Variants in SNTG1 observed in about 807,000 individuals in gnomAD.
SNTG1 encodes gamma-1-syntrophin.
SNTG1 carries 39 observed loss-of-function variants against 74.7 expected under a neutral mutation model. The ratio of observed to expected loss-of-function variants is 0.52; its 90% CI spans 0.40 to 0.68. The LOEUF (loss-of-function observed/expected upper bound fraction) is 0.68. Among genes scored for constraint, SNTG1 ranks in the 30% least tolerant of loss-of-function variants. The probability of loss-of-function intolerance (pLI) is 0.00; values close to 1 mark genes in which losing one functional copy is unlikely to be tolerated. For synonymous variants in SNTG1, 254 were observed against 217.1 expected (o/e 1.17, Z -1.49); for missense variants, 685 against 609.5 (o/e 1.12, Z -1.30).
chr8:50,422,752 C>T lies in SNTG1; in HGVS notation c.163-15791C>T, dbSNP rs115906752. Reference sequence around the variant, plus strand: ...AACCTGAAAAGATATCTCAAAAGACCAATCTTAGGTTTGACAATAGTGATG... The same window carrying T: ...AACCTGAAAAGATATCTCAAAAGACTAATCTTAGGTTTGACAATAGTGATG... On this transcript the variant is annotated intron_variant, in intron 4 of 18. Transcript: ENST00000642720. 6.7e-3 allele frequency among the ~76,000 whole-genome samples: 1,025 copies of T among 152,150 alleles called. 17 individuals carry two copies. Among genetic ancestry groups the T allele is most frequent in the African/African-American group, 0.024 (980 of 41,498 alleles).
chr8:50,586,787 C>A (rs913729115), intron 12 of SNTG1, among the ~76,000 whole-genome samples: 21 of 151,484 alleles, frequency 1.4e-4, no homozygotes, highest in Admixed American at 6.6e-4. Context: ...AATGTGTATT[C>A]TGGGGGTTGT....
chr8:50,369,269 G>A (rs560288562), intron 2 of SNTG1, among the ~76,000 whole-genome samples: 1 of 152,260 alleles, frequency 6.6e-6, no homozygotes, highest in South Asian at 2.1e-4. Flanking sequence ...CATAAGAATA[G>A]CATCTTCATT....
At chr8:50,549,583 C>T (rs1018695651) in intron 11 of SNTG1, among the ~76,000 whole-genome samples, 3 of 152,040 alleles carry the variant, frequency 2.0e-5, no homozygotes, top group African/African-American at 7.2e-5. Context: ...TCCACTGGCT[C>T]CCCTGACTCT....
At chr8:49,937,644 G>A (rs896861627) in intron 1 of SNTG1, among the ~76,000 whole-genome samples, 8 of 152,190 alleles carry the variant, frequency 5.3e-5, no homozygotes, top group African/African-American at 1.9e-4. Context: ...GATCTAGTCA[G>A]CTACACTCAA....
intron 8 of SNTG1, among the ~76,000 whole-genome samples, chr8:50,464,481 G>A (rs1322011965): frequency 2.6e-5 from 4 of 152,158 alleles, no homozygotes; most frequent in Admixed American, 1.3e-4. Context: ...GAGTAGGAAG[G>A]CCTGCAGAGA....
intron 12 of SNTG1, among the ~76,000 whole-genome samples, chr8:50,577,288 TGTGTTGAACCAATCTTCCATTCCA>T (rs1412617159): frequency 1.3e-5 from 2 of 152,178 alleles, no homozygotes; most frequent in Non-Finnish European, 2.9e-5. Context: ...TTGATTTTCA[TGTGTTGAACCAATCTTCCATTCCA>T]GGAATAAAAC....
chr8:50,526,770 C>T (rs577341686), intron 9 of SNTG1, among the ~76,000 whole-genome samples: 1 of 152,062 alleles, frequency 6.6e-6, no homozygotes, highest in Non-Finnish European at 1.5e-5. Flanking sequence ...ACTACAGGCG[C>T]TTGCCACCAC....
At chr8:50,268,782 G>A (rs570579059) in intron 2 of SNTG1, among the ~76,000 whole-genome samples, 2 of 151,720 alleles carry the variant, frequency 1.3e-5, no homozygotes, top group African/African-American at 4.8e-5. Context: ...TCAGCCTCCC[G>A]AGTAGCTGGA....
intron 8 of SNTG1, among the ~76,000 whole-genome samples, chr8:50,484,098 TTC>T (rs1185306392): frequency 1.8e-5 from 2 of 108,524 alleles, no homozygotes; most frequent in African/African-American, 5.9e-5. Flanking sequence ...CTCTCTTTCT[TTC>T]TCTCTTTCTT....
chr8:50,253,263 A>G (rs1042531339), intron 2 of SNTG1, among the ~76,000 whole-genome samples: 1 of 152,106 alleles, frequency 6.6e-6, no homozygotes, highest in Non-Finnish European at 1.5e-5. Flanking sequence ...GTGTCTACTA[A>G]CAATACAAAA....
Position 50,046,836 on chromosome 8 carries a change from C to T in SNTG1, c.-102-125725C>T, listed in dbSNP as rs556306322. 8.5e-5 allele frequency among the ~76,000 whole-genome samples: 13 copies of T among 152,230 alleles called. No homozygotes were observed. The South Asian group carries it at 2.5e-3, about 29-fold the overall frequency. On this transcript the variant is annotated intron_variant, in intron 1 of 18. Transcript: ENST00000642720. ...TATGTCTTAGCCTCCTTTACTTTTA[C>T]CTACTAGAAGTTGATGTTTCTTCAT... is the stretch of plus-strand genomic sequence containing the variant.
intron 12 of SNTG1, among the ~76,000 whole-genome samples, chr8:50,560,730 G>C (rs748047181): frequency 2.0e-5 from 3 of 152,072 alleles, no homozygotes; most frequent in Middle Eastern, 3.2e-3. Flanking sequence ...TTGGAGGGGA[G>C]GGAGAGCATC....
chr8:50,095,091 G>A (rs763710894), intron 1 of SNTG1, among the ~76,000 whole-genome samples: 1 of 152,142 alleles, frequency 6.6e-6, no homozygotes, highest in African/African-American at 2.4e-5. Context: ...ACTTACAAAT[G>A]ACAGTTAAAC....
chr8:49,951,510 A>G (rs1809696621), intron 1 of SNTG1, among the ~76,000 whole-genome samples: 1 of 152,040 alleles, frequency 6.6e-6, no homozygotes, highest in South Asian at 2.1e-4. Flanking sequence ...TCGCAAGAAC[A>G]AAAAACCAAA....
intron 1 of SNTG1, among the ~76,000 whole-genome samples, chr8:49,999,105 C>A (rs888440157): frequency 1.3e-5 from 2 of 152,118 alleles, no homozygotes; most frequent in African/African-American, 4.8e-5. Flanking sequence ...TTTAACCGAA[C>A]CATCATTGTG....
At chr8:50,671,318 A>T (rs949555147) in intron 15 of SNTG1, among the ~76,000 whole-genome samples, 1 of 151,958 alleles carries the variant, frequency 6.6e-6, no homozygotes, top group Non-Finnish European at 1.5e-5. Flanking sequence ...AATATCCAGA[A>T]TCTACAATGA....
At chr8:50,733,607 T>A (rs1197807177) in intron 17 of SNTG1, among the ~76,000 whole-genome samples, 1 of 151,966 alleles carries the variant, frequency 6.6e-6, no homozygotes, top group Non-Finnish European at 1.5e-5. Flanking sequence ...TTTTGACATT[T>A]TAATAATAGC....
intron 8 of SNTG1, among the ~76,000 whole-genome samples, chr8:50,472,430 G>A (rs887401939): frequency 6.6e-6 from 1 of 152,054 alleles, no homozygotes; most frequent in Non-Finnish European, 1.5e-5. Context: ...AGGAAACATA[G>A]TCTTTTCAAC....
chr8:50,227,647 C>G (rs577463833), intron 2 of SNTG1, among the ~76,000 whole-genome samples: 3 of 152,052 alleles, frequency 2.0e-5, no homozygotes, highest in African/African-American at 7.2e-5. Context: ...CAACGCAGCT[C>G]CAGTAAAATA....
Sources: allele counts gnomAD v4.1 joint callset (sites outside exome capture counted in the v4.1 genomes callset), GRCh38; gene constraint gnomAD v4.1.1; transcripts MANE v1.5; gene names NCBI Gene and HGNC (gene_info 2026-07-23, HGNC 2026-07-21).